The following ADGRD1 variants were observed in gnomAD, a reference collection of about 807,000 sequenced individuals.
ADGRD1 encodes the protein G-protein coupled receptor 133.
In ADGRD1, 77 loss-of-function variants were observed where a neutral mutation model predicts 113.4. The ratio of observed to expected loss-of-function variants is 0.68; its 90% CI spans 0.57 to 0.82. The LOEUF (loss-of-function observed/expected upper bound fraction) is 0.82, where lower values mean the gene tolerates loss of function less well. Among genes scored for constraint, ADGRD1 ranks in the 40% least tolerant of loss-of-function variants. The pLI, the probability that ADGRD1 is intolerant of heterozygous loss-of-function variation, is 0.00. For missense variants in ADGRD1, 1,036 were observed against 1,139.1 expected (o/e 0.91, Z 1.30); for synonymous variants, 474 against 475.0 (o/e 1.00, Z 0.03).
At chr12:131,068,828 A>G (rs756602275) in intron 13 of ADGRD1, among the ~76,000 whole-genome samples, 3 of 152,254 alleles carry the variant, frequency 2.0e-5, no homozygotes, top group Non-Finnish European at 4.4e-5. Flanking sequence ...TCTAGCTGAG[A>G]TTTCAAGTAG....
intron 13 of ADGRD1, among the ~76,000 whole-genome samples, chr12:131,018,768 C>G (rs573476395): frequency 6.6e-6 from 1 of 152,192 alleles, no homozygotes; most frequent in African/African-American, 2.4e-5. Context: ...TGTTGACATT[C>G]TCGTGGAACT....
At chr12:131,136,295 G>A in intron 22 of ADGRD1, 132 bp downstream of exon 22, 1 of 1,119,744 alleles carries the variant, frequency 8.9e-7, no homozygotes. Context: ...GTAATGCGGG[G>A]CATCCCCGAA....
rs1421667598 is a variant in ADGRD1, at chr12:131,084,256, C to T, written c.1548-284C>T. Among the ~76,000 whole-genome samples, 1 of 152,124 alleles carries T rather than the reference C, an allele frequency of 6.6e-6. No individual in the cohort carries two copies. Among genetic ancestry groups the T allele is most frequent in the Non-Finnish European group, 1.5e-5 (1 of 68,024 alleles). ...TGCTGGGCTTGGTCCAGGTGCTTTTCAGGGTGATTGTGCGAAGCAGCTCCC... is the reference window on the plus strand; with the variant it reads ...TGCTGGGCTTGGTCCAGGTGCTTTTTAGGGTGATTGTGCGAAGCAGCTCCC... On this transcript the variant is annotated intron_variant, in intron 14 of 24. Coordinates refer to ENST00000261654, the MANE Select transcript of ADGRD1 (RefSeq NM_198827.5). This position sits in a 1 kb window ranked among gnomAD's most constrained non-coding sequence, Gnocchi z 4.5.
At chr12:130,999,878 C>T (rs1876121398) in intron 8 of ADGRD1, among the ~76,000 whole-genome samples, 2 of 152,174 alleles carry the variant, frequency 1.3e-5, no homozygotes, top group Admixed American at 6.5e-5. Context: ...TTCATTGTTT[C>T]CTTAGAATAA....
chr12:131,117,557 G>A (rs1304278453), intron 18 of ADGRD1, among the ~76,000 whole-genome samples: 1 of 152,126 alleles, frequency 6.6e-6, no homozygotes, highest in Non-Finnish European at 1.5e-5. Flanking sequence ...CAGCAGTTTC[G>A]AAGAAAGCCC....
chr12:131,119,660 A>G (rs1950545400), intron 19 of ADGRD1, among the ~76,000 whole-genome samples: 1 of 152,250 alleles, frequency 6.6e-6, no homozygotes, highest in South Asian at 2.1e-4. Flanking sequence ...AAAATTCTGC[A>G]TGAAGTGCTG....
intron 18 of ADGRD1, among the ~76,000 whole-genome samples, chr12:131,115,871 C>T (rs1359132918): frequency 6.6e-6 from 1 of 152,144 alleles, no homozygotes; most frequent in Non-Finnish European, 1.5e-5. Context: ...GTCATCCTCA[C>T]AGCCTAGTGA....
Position 130,979,083 on chromosome 12 carries a change from GCCAGGTCTGGGGACA to G in ADGRD1, c.311-2796_311-2782del, listed in dbSNP as rs531770148. Among the ~76,000 whole-genome samples the G allele has an allele frequency of 2.2e-3, 340 of 152,336 alleles. 2 individuals carry two copies. The highest frequency in any genetic ancestry group is 0.01 in the Middle Eastern group (3 of 294). The stretch of plus-strand genomic sequence containing the variant: ...CATGAGGTGGGTGTGGGTGGTGCCA[GCCAGGTCTGGGGACA>G]CCAGCGTCAGCTGCCCCAGGCCTCT... On this transcript the variant is annotated intron_variant, in intron 4 of 24. Transcript: ENST00000261654.
chr12:131,106,024 C>T lies in ADGRD1; in HGVS notation c.1887+159C>T, dbSNP rs565053513. Among the ~76,000 whole-genome samples the T allele has an allele frequency of 1.6e-3, 247 of 152,132 alleles. 1 individual carries two copies. The highest frequency in any genetic ancestry group is 2.6e-3 in the Non-Finnish European group (176 of 67,998). On this transcript the variant is annotated intron_variant, in intron 17 of 24. Coordinates refer to ENST00000261654, the MANE Select transcript of ADGRD1 (RefSeq NM_198827.5). The stretch of plus-strand genomic sequence containing the variant: ...TTCTCGGGGGAAGCAGAGATCGTGA[C>T]GTGCATGAGCTGGTTTCTGTGCTGC...
chr12:131,019,556 C>T (rs943551261), intron 13 of ADGRD1, among the ~76,000 whole-genome samples: 2 of 152,176 alleles, frequency 1.3e-5, no homozygotes, highest in Non-Finnish European at 2.9e-5. Context: ...AAGGAATGAG[C>T]GAAGCAGAGT....
intron 13 of ADGRD1, among the ~76,000 whole-genome samples, chr12:131,053,502 A>C (rs1255095759): frequency 6.6e-6 from 1 of 152,242 alleles, no homozygotes; most frequent in Non-Finnish European, 1.5e-5. Flanking sequence ...TTGTGGCCTG[A>C]GAATGACAGG....
At chr12:131,021,048 A>T (rs12229785) in intron 13 of ADGRD1, among the ~76,000 whole-genome samples, 1 of 151,696 alleles carries the variant, frequency 6.6e-6, no homozygotes, top group African/African-American at 2.4e-5. Context: ...TACAACCTCA[A>T]TGTTTTAAGC....
chr12:131,045,892 G>A (rs569275648), intron 13 of ADGRD1, among the ~76,000 whole-genome samples: 1 of 151,974 alleles, frequency 6.6e-6, no homozygotes, highest in South Asian at 2.1e-4. Context: ...ATCCTTCCTG[G>A]TCAGTGCTCC....
At chr12:131,082,796 C>T (rs563816938) in intron 14 of ADGRD1, among the ~76,000 whole-genome samples, 4 of 152,140 alleles carry the variant, frequency 2.6e-5, no homozygotes, top group African/African-American at 7.2e-5. Flanking sequence ...TCAGTTGGTA[C>T]GTCTGAGTGG....
chr12:131,012,825 G>A (rs899089310), intron 12 of ADGRD1, among the ~76,000 whole-genome samples: 8 of 152,234 alleles, frequency 5.3e-5, no homozygotes, highest in Admixed American at 1.3e-4. Flanking sequence ...GTCAGTCAGC[G>A]CTTTGGATGG....
chr12:131,031,521 T>G (rs569392685), intron 13 of ADGRD1, among the ~76,000 whole-genome samples: 30 of 152,240 alleles, frequency 2.0e-4, no homozygotes, highest in Non-Finnish European at 3.4e-4. Flanking sequence ...TTCTCAGATT[T>G]GCGTTTGTCG....
chr12:130,994,028 A>G (rs1324018398), intron 8 of ADGRD1: 4 of 193,754 alleles, frequency 2.1e-5, no homozygotes, highest in Non-Finnish European at 3.4e-5. Context: ...GAGCTGGGCC[A>G]CATGACCACA....
At chr12:130,959,186 G>A (rs980395209) in intron 2 of ADGRD1, among the ~76,000 whole-genome samples, 2 of 152,350 alleles carry the variant, frequency 1.3e-5, no homozygotes, top group African/African-American at 4.8e-5. Context: ...CCAAACTGTA[G>A]TATTTTGTTA....
intron 13 of ADGRD1, among the ~76,000 whole-genome samples, chr12:131,014,678 A>G (rs1340136726): frequency 1.3e-5 from 2 of 152,194 alleles, no homozygotes; most frequent in Non-Finnish European, 2.9e-5. Context: ...CCCAGTTACC[A>G]TGTGTGTTAT....
Sources: gnomAD v4.1 joint callset for allele counts (sites outside exome capture counted in the v4.1 genomes callset) on GRCh38, gnomAD v4.1.1 for gene constraint, Gnocchi (gnomAD v3.1) non-coding constraint, MANE v1.5 for transcripts, NCBI Gene and HGNC (gene_info 2026-07-23, HGNC 2026-07-21) for gene names.